Variants in SGCG observed in about 807,000 individuals in gnomAD.
The protein encoded by SGCG is gamma-sarcoglycan.
SGCG carries 26 observed loss-of-function variants against 29.3 expected under a neutral mutation model. That is an observed-to-expected ratio of 0.89 (90% confidence interval 0.65 to 1.23). The LOEUF is 1.23. SGCG is among the 50% of genes most tolerant of loss of function. The probability of loss-of-function intolerance (pLI) is 0.00; values close to 1 mark genes in which losing one functional copy is unlikely to be tolerated. For synonymous variants in SGCG, 145 were observed against 129.7 expected (o/e 1.12, Z -0.80); for missense variants, 353 against 356.0 (o/e 0.99, Z 0.07).
chr13:23,300,589 A>G (rs958587301), intron 6 of SGCG, among the ~76,000 whole-genome samples: 1 of 152,216 alleles, frequency 6.6e-6, no homozygotes, highest in Admixed American at 6.5e-5. Context: ...ACAAGAAATC[A>G]TGACCTGCAA....
chr13:23,256,529 T>G (rs1880185937), intron 4 of SGCG, among the ~76,000 whole-genome samples: 1 of 144,802 alleles, frequency 6.9e-6, no homozygotes. Flanking sequence ...CCCTCCCCCA[T>G]TCCCCCACCC....
chr13:23,268,188 A>G (rs1481049052), intron 4 of SGCG: 1 of 152,462 alleles, frequency 6.6e-6, no homozygotes, highest in Non-Finnish European at 1.5e-5. Context: ...CTGCAGCCTA[A>G]TCGAAGAGAA....
chr13:23,227,329 A>C (rs767454619), intron 2 of SGCG, among the ~76,000 whole-genome samples: 11 of 79,642 alleles, frequency 1.4e-4, no homozygotes, highest in African/African-American at 1.2e-4. Context: ...AAAAAAAAAA[A>C]CAAAAACCTG....
chr13:23,287,719 G>T (rs1349488025), intron 5 of SGCG, among the ~76,000 whole-genome samples: 1 of 150,892 alleles, frequency 6.6e-6, no homozygotes, highest in African/African-American at 2.4e-5. Context: ...ACAGTTTTTT[G>T]TTACCATTAT....
At chr13:23,314,189 TAGAGAGAG>T (rs200533752) in intron 6 of SGCG, among the ~76,000 whole-genome samples, 1 of 104,762 alleles carries the variant, frequency 9.5e-6, no homozygotes, top group Non-Finnish European at 2.4e-5. Context: ...TATATATATA[TAGAGAGAG>T]AGAGAGAGAG....
At chr13:23,241,485 C>G (rs1879512770) in intron 3 of SGCG, among the ~76,000 whole-genome samples, 1 of 151,952 alleles carries the variant, frequency 6.6e-6, no homozygotes, top group South Asian at 2.1e-4. Context: ...AAAAAGTCTC[C>G]CCAATAAAGG....
chr13:23,253,920 T>C (rs1404999845), intron 4 of SGCG, among the ~76,000 whole-genome samples: 2 of 152,228 alleles, frequency 1.3e-5, no homozygotes, highest in East Asian at 3.8e-4. Context: ...CCTTCTGGAA[T>C]GATAGGAAGC....
chr13:23,319,396 A>G (rs995616579), intron 6 of SGCG, among the ~76,000 whole-genome samples: 2 of 152,174 alleles, frequency 1.3e-5, no homozygotes, highest in African/African-American at 4.8e-5. Context: ...TGACCAATAA[A>G]TTCCATAAAT....
the SGCG span, among the ~76,000 whole-genome samples, chr13:23,164,770 TCTC>T: frequency 6.6e-6 from 1 of 152,010 alleles, no homozygotes; most frequent in Admixed American, 6.6e-5. Context: ...ACTCCACTGC[TCTC>T]CTCCGGCCTC....
In SGCG at chr13:23,249,760, T is replaced by G. The variant is rs146740234; in HGVS notation, c.298-870T>G. Among the ~76,000 whole-genome samples the G allele has an allele frequency of 1.6e-3, 243 of 152,262 alleles. 1 individual carries two copies. Among genetic ancestry groups the G allele is most frequent in the African/African-American group, 5.5e-3 (229 of 41,558 alleles). Reference sequence around the variant, plus strand: ...CTGTCAAAAGCCACAATGGACAGCATTCATATAGACAAAAATTAATGAACC... The same window carrying G: ...CTGTCAAAAGCCACAATGGACAGCAGTCATATAGACAAAAATTAATGAACC... On this transcript the variant is annotated intron_variant, in intron 3 of 7. Transcript: ENST00000218867.
intron 6 of SGCG, among the ~76,000 whole-genome samples, chr13:23,303,100 A>G (rs1220022719): frequency 6.6e-6 from 1 of 152,216 alleles, no homozygotes; most frequent in Non-Finnish European, 1.5e-5. Flanking sequence ...TTCTGTCACC[A>G]ATTTTTTAAT....
chr13:23,245,857 G>A (rs1879690621), intron 3 of SGCG: 1 of 152,240 alleles, frequency 6.6e-6, no homozygotes, highest in Non-Finnish European at 1.5e-5. Context: ...TGACTGATCT[G>A]ATGTAGGTGG....
intron 1 of SGCG, among the ~76,000 whole-genome samples, chr13:23,195,902 T>C (rs12865266): frequency 0.46 from 69,432 of 151,382 alleles, 16,038 homozygotes; most frequent in Admixed American, 0.51. Flanking sequence ...AATTTACTGT[T>C]ACAAAAGAAA....
Position 23,274,046 on chromosome 13 carries a change from C to T in SGCG, c.386-5313C>T, listed in dbSNP as rs542874868. On this transcript the variant is annotated intron_variant, in intron 4 of 7. Transcript: ENST00000218867. ...ATAAAGGTGGTGTCTGTGATATTTG[C>T]GGGATAGGTATTTGTAAATATTATG... Among the ~76,000 whole-genome samples, 17 of 152,146 alleles carry T rather than the reference C, an allele frequency of 1.1e-4. No individual in the cohort carries two copies. The East Asian group carries it at 2.1e-3, about 19-fold the overall frequency.
chr13:23,170,047 G>A, the SGCG span: 2 of 152,168 alleles, frequency 1.3e-5, no homozygotes, highest in Admixed American at 6.5e-5. Flanking sequence ...AAGAAAGTGT[G>A]TCTTTCTAGT....
intron 6 of SGCG, among the ~76,000 whole-genome samples, chr13:23,318,471 ATATT>A (rs2137524017): frequency 6.6e-6 from 1 of 150,398 alleles, no homozygotes; most frequent in South Asian, 2.1e-4. Flanking sequence ...TATATAATAT[ATATT>A]TAATATTACA....
At chr13:23,221,395 CTT>C (rs1878651107) in intron 2 of SGCG, among the ~76,000 whole-genome samples, 1 of 152,144 alleles carries the variant, frequency 6.6e-6, no homozygotes, top group Admixed American at 6.5e-5. Context: ...TATTTATCAT[CTT>C]AGGCCTGTGA....
chr13:23,191,670 A>T (rs1877258497), intron 1 of SGCG, among the ~76,000 whole-genome samples: 1 of 152,188 alleles, frequency 6.6e-6, no homozygotes, highest in Admixed American at 6.5e-5. Context: ...GGTTTATAGG[A>T]TAGCAAAAGG....
At chr13:23,299,325 T>C (rs1882028373) in intron 6 of SGCG, among the ~76,000 whole-genome samples, 2 of 149,064 alleles carry the variant, frequency 1.3e-5, no homozygotes, top group South Asian at 4.3e-4. Flanking sequence ...ATCAACTATG[T>C]TCCACTTTTT....
Sources: allele counts gnomAD v4.1 joint callset (sites outside exome capture counted in the v4.1 genomes callset), GRCh38; gene constraint gnomAD v4.1.1; transcripts MANE v1.5; gene names NCBI Gene and HGNC (gene_info 2026-07-23, HGNC 2026-07-21).